Variants in CAPN7 observed in about 807,000 individuals in gnomAD.
The protein encoded by CAPN7 is calpain 7.
Under a neutral mutation model 115.2 loss-of-function variants are expected in CAPN7, and 72 were observed. The ratio of observed to expected loss-of-function variants is 0.63; its 90% CI spans 0.52 to 0.76. CAPN7 has a LOEUF of 0.76. Ranked by LOEUF, CAPN7 falls within the 30% of genes least tolerant of loss-of-function variation. The probability of loss-of-function intolerance (pLI) is 0.00; values close to 1 mark genes in which losing one functional copy is unlikely to be tolerated. For synonymous variants in CAPN7, 344 were observed against 322.3 expected, an observed-to-expected ratio of 1.07 and a Z score of -0.72; for missense variants, 905 against 971.5, an observed-to-expected ratio of 0.93 and a Z score of 0.91.
intron 12 of CAPN7, 132 bp from the exon 13 acceptor site, chr3:15,240,341 A>G (rs969852270): frequency 4.7e-6 from 4 of 852,810 alleles, no homozygotes; most frequent in Non-Finnish European, 7.3e-6. Context: ...TGAAAGTGTT[A>G]AAAATATTAA....
chr3:15,231,434 A>G (rs914787883), intron 9 of CAPN7, among the ~76,000 whole-genome samples: 2 of 152,208 alleles, frequency 1.3e-5, no homozygotes, highest in Non-Finnish European at 1.5e-5. Flanking sequence ...TTACTGAACT[A>G]TAATTCTTGA....
intron 1 of CAPN7, among the ~76,000 whole-genome samples, chr3:15,210,613 T>G (rs1275133251): frequency 1.4e-5 from 2 of 142,894 alleles, no homozygotes; most frequent in South Asian, 2.4e-4. Context: ...TTTTTTTTTT[T>G]GGACAGTATC....
In CAPN7 at chr3:15,251,509, A is replaced by AT. The variant is rs1378464810; in HGVS notation, c.*253dup. ...AGAGTTGGCTTGCATTTTAGGGGCC[A>AT]TTTTGTATAAAAAGTGCATATGATT... On this transcript the variant is annotated 3_prime_UTR_variant, in exon 21 of 21. Coordinates refer to ENST00000253693, the MANE Select transcript of CAPN7 (RefSeq NM_014296.3). 5 of 304,454 alleles carry AT rather than the reference A, an allele frequency of 1.6e-5. No homozygotes were observed. Among genetic ancestry groups the AT allele is most frequent in the Non-Finnish European group, 3.0e-5 (5 of 166,708 alleles). 18.9% of individuals were successfully genotyped at this position (304,454 alleles called of 1,614,324 possible). A position where few individuals can be genotyped will look rare whatever the true frequency, so the allele number is the denominator to read the frequency against.
intron 1 of CAPN7, among the ~76,000 whole-genome samples, chr3:15,208,750 A>G (rs764077211): frequency 6.6e-6 from 1 of 152,332 alleles, no homozygotes; most frequent in South Asian, 2.1e-4. Flanking sequence ...TACCGGGGAC[A>G]GAATTGATAA....
At chr3:15,237,578 G>A (rs1245419715) in intron 12 of CAPN7, among the ~76,000 whole-genome samples, 1 of 152,122 alleles carries the variant, frequency 6.6e-6, no homozygotes, top group Non-Finnish European at 1.5e-5. Context: ...CATAAAAATT[G>A]CCCACTTAAA....
intron 8 of CAPN7, among the ~76,000 whole-genome samples, chr3:15,230,201 C>G (rs1235691117): frequency 6.6e-6 from 1 of 152,120 alleles, no homozygotes; most frequent in Non-Finnish European, 1.5e-5. Flanking sequence ...ACATTGAGCA[C>G]TTTTCAGAGT....
intron 2 of CAPN7, among the ~76,000 whole-genome samples, chr3:15,216,828 A>G (rs1575167115): frequency 6.6e-6 from 1 of 152,164 alleles, no homozygotes; most frequent in Non-Finnish European, 1.5e-5. Flanking sequence ...GGAGAGAGAA[A>G]TTCAGGGAAA....
intron 5 of CAPN7, among the ~76,000 whole-genome samples, chr3:15,222,151 A>G (rs989664501): frequency 2.0e-5 from 3 of 151,890 alleles, no homozygotes; most frequent in Non-Finnish European, 2.9e-5. Flanking sequence ...TACAGAAAAC[A>G]TTTGCCGACC....
intron 10 of CAPN7, 86 bp from the exon 11 acceptor site, chr3:15,233,781 C>A: frequency 1.4e-6 from 1 of 731,982 alleles, no homozygotes. Flanking sequence ...AATCATTATG[C>A]CAAATCAGTG....
chr3:15,237,245 AT>A (rs200451029), intron 12 of CAPN7, among the ~76,000 whole-genome samples: 5 of 151,406 alleles, frequency 3.3e-5, no homozygotes, highest in African/African-American at 2.4e-5. Context: ...TTTTCTGTTA[AT>A]TTTTTTTTAG....
At chr3:15,229,553 C>CTT (rs61081705) in intron 8 of CAPN7, among the ~76,000 whole-genome samples, 10 of 88,298 alleles carry the variant, frequency 1.1e-4, no homozygotes, top group East Asian at 9.3e-4. Flanking sequence ...ATTGGTTTTA[C>CTT]TTTTTTTCTT....
At chr3:15,206,856 G>A (rs1305454319) in intron 1 of CAPN7, among the ~76,000 whole-genome samples, 3 of 152,270 alleles carry the variant, frequency 2.0e-5, no homozygotes, top group Admixed American at 2.0e-4. Context: ...CCACCGTTGA[G>A]CCGCTTTGGG....
chr3:15,221,462 G>A (rs1322671944), intron 5 of CAPN7, among the ~76,000 whole-genome samples: 1 of 151,006 alleles, frequency 6.6e-6, no homozygotes, highest in Admixed American at 6.6e-5. Context: ...CAAAGTATTG[G>A]GATTACAGGC....
intron 15 of CAPN7, 126 bp downstream of exon 15, chr3:15,241,714 C>T (rs550820389): frequency 2.8e-6 from 2 of 704,122 alleles, no homozygotes; most frequent in Admixed American, 6.4e-5. Flanking sequence ...AGTGTTTTCT[C>T]AGATAAATGA....
In CAPN7 at chr3:15,242,222, C is replaced by T. The variant is rs1267468392; in HGVS notation, c.1833C>T (p.Tyr611=). 16 of 1,601,294 alleles carry T rather than the reference C, an allele frequency of 1.0e-5. No individual in the cohort carries two copies. Among genetic ancestry groups the T allele is most frequent in the East Asian group, 2.3e-5 (1 of 44,412 alleles). The change falls in exon 16 of 21, where the codon TAC becomes TAT. Residue 611 remains tyrosine (Y), a synonymous_variant. Coordinates refer to ENST00000253693, the MANE Select transcript of CAPN7 (RefSeq NM_014296.3). Reference sequence around the variant, plus strand: ...GAGAATTTATCACAATGGTTGTATACAAGACTGATGGGAAAAAAGTTTATT... The same window carrying T: ...GAGAATTTATCACAATGGTTGTATATAAGACTGATGGGAAAAAAGTTTATT... The part of the protein sequence containing the change: ...NNREFITMVV[Y]KTDGKKVYYP...
At chr3:15,224,902 A>T (rs1694224492) in intron 6 of CAPN7, among the ~76,000 whole-genome samples, 1 of 152,188 alleles carries the variant, frequency 6.6e-6, no homozygotes, top group Admixed American at 6.5e-5. Context: ...TAGCTGTGTG[A>T]TGCTAGTAAC....
At position 15,251,459 on chromosome 3, in the gene CAPN7, AC is replaced by A. The variant is rs1559416460; in HGVS notation, c.*201del. The A allele has an allele frequency of 2.2e-6, 1 of 453,836 alleles. No individual in the cohort carries two copies. Among genetic ancestry groups the A allele is most frequent in the Non-Finnish European group, 3.9e-6 (1 of 258,816 alleles). 28.1% of individuals were successfully genotyped at this position (453,836 alleles called of 1,614,324 possible). On this transcript the variant is annotated 3_prime_UTR_variant, in exon 21 of 21. Coordinates refer to ENST00000253693, the MANE Select transcript of CAPN7 (RefSeq NM_014296.3). Reference sequence around the variant, plus strand: ...AGAATTACCTAAATCACCTAGAGGTACCGTTTACATGGTTTTGTGTATATAG... The same window carrying A: ...AGAATTACCTAAATCACCTAGAGGTACGTTTACATGGTTTTGTGTATATAG...
chr3:15,233,786 T>C, intron 10 of CAPN7, 81 bp from the exon 11 acceptor site: 1 of 744,832 alleles, frequency 1.3e-6, no homozygotes. Flanking sequence ...TTATGCCAAA[T>C]CAGTGAGATG....
rs1222564037 is a variant in CAPN7 at position 15,242,215 on chromosome 3, T to A, written c.1826T>A (p.Val609Asp). Residue 609 changes from valine (V) to aspartate (D), a missense_variant, in exon 16 of 21, where the codon GTT becomes GAT. Val to Asp is a radical substitution (Grantham distance 152). Transcript: ENST00000253693. ...FANNREFITM[V>D]VYKTDGKKVY... ...AATAATCGAGAATTTATCACAATGGTTGTATACAAGACTGATGGGAAAAAA... is the reference window on the plus strand; with the variant it reads ...AATAATCGAGAATTTATCACAATGGATGTATACAAGACTGATGGGAAAAAA... The A allele has an allele frequency of 6.2e-6, 10 of 1,605,140 alleles. No homozygotes were observed. Among genetic ancestry groups the A allele is most frequent in the Non-Finnish European group, 7.6e-6 (9 of 1,177,668 alleles).
Sources: gnomAD v4.1 joint callset for allele counts (sites outside exome capture counted in the v4.1 genomes callset) on GRCh38, gnomAD v4.1.1 for gene constraint, MANE v1.5 for transcripts, NCBI Gene and HGNC (gene_info 2026-07-23, HGNC 2026-07-21) for gene names.